The following LINGO2 variants were observed in gnomAD, a reference collection of about 807,000 sequenced individuals.
LINGO2 encodes leucine-rich repeat and immunoglobulin-like domain-containing nogo receptor-interacting protein 2.
A neutral mutation model predicts 30.6 loss-of-function variants in LINGO2; 14 were observed. The observed-to-expected ratio is 0.46, with a 90% CI of 0.30 to 0.72. The LOEUF is 0.72. Among genes scored for constraint, LINGO2 ranks in the 30% least tolerant of loss-of-function variants. The pLI, the probability that LINGO2 is intolerant of heterozygous loss-of-function variation, is 0.07. For synonymous variants in LINGO2, 317 were observed against 288.5 expected (o/e 1.10, Z -1.00); for missense variants, 729 against 751.7 (o/e 0.97, Z 0.35).
the LINGO2 span, among the ~76,000 whole-genome samples, chr9:28,821,380 G>T: frequency 6.6e-6 from 1 of 152,200 alleles, no homozygotes; most frequent in Non-Finnish European, 1.5e-5. Flanking sequence ...AAAAACAAAT[G>T]AGCAAGGGAA....
exon 6 of LINGO2, chr9:27,949,976 A>T (rs746479785): frequency 6.2e-7 from 1 of 1,614,108 alleles, no homozygotes; most frequent in South Asian, 1.1e-5. Context: ...GCCAATAGTC[A>T]ATCTCTAGGT....
At chr9:28,155,621 C>T (rs557813524) in intron 4 of LINGO2, among the ~76,000 whole-genome samples, 32 of 152,196 alleles carry the variant, frequency 2.1e-4, no homozygotes, top group African/African-American at 7.5e-4. Context: ...TAACTGTTTA[C>T]AATTATGAGA....
At chr9:28,903,482 C>T in the LINGO2 span, among the ~76,000 whole-genome samples, 2 of 152,062 alleles carry the variant, frequency 1.3e-5, no homozygotes, top group African/African-American at 4.8e-5. Context: ...TCCATTCATT[C>T]ATTCATTTAT....
chr9:28,533,613 T>C (rs1821318895), intron 1 of LINGO2, among the ~76,000 whole-genome samples: 1 of 152,214 alleles, frequency 6.6e-6, no homozygotes, highest in African/African-American at 2.4e-5. Flanking sequence ...CTATGTTATC[T>C]GTCAGTGCTG....
intron 4 of LINGO2, among the ~76,000 whole-genome samples, chr9:28,223,929 C>T: frequency 6.6e-6 from 1 of 152,036 alleles, no homozygotes; most frequent in South Asian, 2.1e-4. Flanking sequence ...TTTGGTGTGG[C>T]AATGATAGCA....
chr9:28,599,800 G>A (rs1237836045), intron 1 of LINGO2, among the ~76,000 whole-genome samples: 1 of 152,060 alleles, frequency 6.6e-6, no homozygotes, highest in African/African-American at 2.4e-5. Context: ...GTGATTTATA[G>A]AAACGCTTTT....
At chr9:28,042,369 A>C (rs971529287) in intron 4 of LINGO2, among the ~76,000 whole-genome samples, 3 of 152,166 alleles carry the variant, frequency 2.0e-5, no homozygotes, top group Non-Finnish European at 4.4e-5. Flanking sequence ...AACTTGTATA[A>C]AACAGCAAAA....
the LINGO2 span, among the ~76,000 whole-genome samples, chr9:29,076,196 C>A: frequency 1.3e-5 from 2 of 152,000 alleles, no homozygotes; most frequent in African/African-American, 4.8e-5. Flanking sequence ...TTCGTTAAGA[C>A]ACTATGTTCT....
At chr9:29,125,393 T>G in the LINGO2 span, among the ~76,000 whole-genome samples, 1 of 152,010 alleles carries the variant, frequency 6.6e-6, no homozygotes. Context: ...ACCCTGCACG[T>G]TCTGCACATG....
chr9:27,959,534 A>G (rs1819735958), intron 5 of LINGO2, among the ~76,000 whole-genome samples: 1 of 152,120 alleles, frequency 6.6e-6, no homozygotes. Context: ...TAAATCCCCA[A>G]CAAAATTCCC....
the LINGO2 span, among the ~76,000 whole-genome samples, chr9:28,745,198 A>T: frequency 6.6e-6 from 1 of 152,042 alleles, no homozygotes; most frequent in East Asian, 1.9e-4. Context: ...ATTATTTTTA[A>T]GCCTTCTTCC....
chr9:28,263,398 A>G (rs1822634440), intron 4 of LINGO2, among the ~76,000 whole-genome samples: 1 of 152,104 alleles, frequency 6.6e-6, no homozygotes, highest in Non-Finnish European at 1.5e-5. Context: ...GTAATATTCT[A>G]TGATATTCAC....
At chr9:28,397,293 C>T (rs1822084902) in intron 2 of LINGO2, among the ~76,000 whole-genome samples, 2 of 150,578 alleles carry the variant, frequency 1.3e-5, no homozygotes, top group Non-Finnish European at 3.0e-5. Context: ...CTATTTTTCA[C>T]ATTTATTTAT....
chr9:29,184,274 TAAAG>T, the LINGO2 span, among the ~76,000 whole-genome samples: 5 of 151,388 alleles, frequency 3.3e-5, no homozygotes, highest in African/African-American at 1.2e-4. Flanking sequence ...CTGTTCATCA[TAAAG>T]AAAGAAGAAA....
the LINGO2 span, among the ~76,000 whole-genome samples, chr9:28,743,654 T>C: frequency 6.6e-6 from 1 of 152,080 alleles, no homozygotes; most frequent in Non-Finnish European, 1.5e-5. Context: ...CTGATGAGAA[T>C]GTAGCTGTTA....
intron 1 of LINGO2, among the ~76,000 whole-genome samples, chr9:28,496,404 C>G (rs182620310): frequency 6.6e-6 from 1 of 151,690 alleles, no homozygotes; most frequent in Middle Eastern, 3.2e-3. Flanking sequence ...GATCCCTTTA[C>G]CATTATGTAA....
In LINGO2 at chr9:28,130,980, C is replaced by T. The variant is rs187491744; in HGVS notation, c.-86-118575G>A. ...ACTTTGGATTTCCCAACAATGTATACGCCTTCCCATCTCTGCCTTTACTTA... is the reference window on the plus strand; with the variant it reads ...ACTTTGGATTTCCCAACAATGTATATGCCTTCCCATCTCTGCCTTTACTTA... On this transcript the variant is annotated intron_variant, in intron 4 of 5. Coordinates refer to ENST00000379992, the Ensembl canonical transcript of LINGO2. This position sits in a 1 kb window ranked among gnomAD's most constrained non-coding sequence, Gnocchi z 5.2. Among the ~76,000 whole-genome samples, 44 of 152,160 alleles carry T rather than the reference C, an allele frequency of 2.9e-4. No homozygotes were observed. The highest frequency in any genetic ancestry group is 5.9e-4 in the Admixed American group (9 of 15,270).
chr9:28,907,821 A>T, the LINGO2 span, among the ~76,000 whole-genome samples: 1 of 151,696 alleles, frequency 6.6e-6, no homozygotes, highest in Non-Finnish European at 1.5e-5. Flanking sequence ...ATGGAAAAGG[A>T]ACTACTTCTT....
At chr9:28,459,266 A>T (rs563509246) in intron 2 of LINGO2, among the ~76,000 whole-genome samples, 1,035 of 78,060 alleles carry the variant, frequency 0.013, 8 homozygotes, top group Admixed American at 0.025. Flanking sequence ...GGAAGGAGAA[A>T]ACTTAAAAAA....
Sources: gnomAD v4.1 joint callset for allele counts (sites outside exome capture counted in the v4.1 genomes callset) on GRCh38, gnomAD v4.1.1 for gene constraint, Gnocchi (gnomAD v3.1) non-coding constraint, MANE v1.5 for transcripts, NCBI Gene and HGNC (gene_info 2026-07-23, HGNC 2026-07-21) for gene names.